CACNA2D3: variants seen among roughly 807,000 people sequenced by gnomAD.
CACNA2D3 encodes calcium voltage-gated channel auxiliary subunit alpha2delta 3.
Under a neutral mutation model 160.6 loss-of-function variants are expected in CACNA2D3, and 60 were observed. The ratio of observed to expected loss-of-function variants is 0.37; its 90% CI spans 0.30 to 0.46. The LOEUF (loss-of-function observed/expected upper bound fraction) is 0.46, where lower values mean the gene tolerates loss of function less well. Ranked by LOEUF, CACNA2D3 falls within the 20% of genes least tolerant of loss-of-function variation. CACNA2D3 has a pLI of 1.00. For missense variants in CACNA2D3, 1,205 were observed against 1,365.0 expected (o/e 0.88, Z 1.85); for synonymous variants, 558 against 492.9 (o/e 1.13, Z -1.75).
intron 9 of CACNA2D3, among the ~76,000 whole-genome samples, chr3:54,617,100 A>G (rs952035803): frequency 3.9e-5 from 6 of 152,144 alleles, no homozygotes; most frequent in Non-Finnish European, 4.4e-5. Flanking sequence ...TCTTCTCACT[A>G]CATGTATGTC....
intron 14 of CACNA2D3, among the ~76,000 whole-genome samples, chr3:54,836,683 G>C (rs1698698050): frequency 6.6e-6 from 1 of 152,156 alleles, no homozygotes; most frequent in Non-Finnish European, 1.5e-5. Flanking sequence ...AAACAGCCTT[G>C]ACTGGCTACC....
At chr3:54,871,719 G>A in intron 18 of CACNA2D3, 97 bp downstream of exon 18, 1 of 860,222 alleles carries the variant, frequency 1.2e-6, no homozygotes, top group Non-Finnish European at 1.9e-6. Flanking sequence ...GAGGCCCACT[G>A]AAGGGACACC....
chr3:54,459,034 G>T (rs13063940), intron 4 of CACNA2D3, among the ~76,000 whole-genome samples: 35 of 151,868 alleles, frequency 2.3e-4, no homozygotes, highest in Non-Finnish European at 7.4e-5. Flanking sequence ...TTGGTTTTTC[G>T]TCCTTGCGAT....
intron 13 of CACNA2D3, among the ~76,000 whole-genome samples, chr3:54,766,973 A>C (rs1249710357): frequency 6.6e-6 from 1 of 151,436 alleles, no homozygotes; most frequent in East Asian, 1.9e-4. Context: ...AAACAGAATA[A>C]ACCAGAAACC....
rs757954461 is a variant in CACNA2D3 at position 54,569,978 on chromosome 3, G to A, written c.762G>A (p.Pro254=). 20 of 1,613,834 alleles carry A rather than the reference G, an allele frequency of 1.2e-5. No homozygotes were observed. The highest frequency in any genetic ancestry group is 2.2e-5 in the East Asian group (1 of 44,892). The change falls in exon 8 of 38, where the codon CCG becomes CCA. Residue 254 remains proline, a synonymous_variant. Transcript: ENST00000474759. ...RKWYIQAATS[P]KDVVILVDVS... ...GGTACATCCAGGCAGCAACTTCTCC[G>A]AAAGACGTGGTCATTTTAGTTGACG... is the stretch of plus-strand genomic sequence containing the variant.
intron 14 of CACNA2D3, among the ~76,000 whole-genome samples, chr3:54,817,206 T>G (rs998014087): frequency 3.9e-5 from 6 of 152,200 alleles, no homozygotes; most frequent in African/African-American, 1.2e-4. Context: ...TGAGGTAATT[T>G]TTAGGGAGAC....
At chr3:54,950,135 T>C (rs1478733691) in intron 27 of CACNA2D3, among the ~76,000 whole-genome samples, 1 of 152,200 alleles carries the variant, frequency 6.6e-6, no homozygotes, top group Non-Finnish European at 1.5e-5. Context: ...ATGGGAGTCA[T>C]AAGTGAAAAG....
chr3:54,822,923 C>T (rs1434895123), intron 14 of CACNA2D3, among the ~76,000 whole-genome samples: 2 of 150,796 alleles, frequency 1.3e-5, no homozygotes, highest in African/African-American at 2.4e-5. Context: ...TGCGCGATCT[C>T]GGCTCACTGC....
intron 2 of CACNA2D3, among the ~76,000 whole-genome samples, chr3:54,165,924 A>G (rs574594544): frequency 3.0e-4 from 46 of 152,308 alleles, no homozygotes; most frequent in African/African-American, 1.1e-3. Flanking sequence ...CCATGTGGTC[A>G]CCAGAAATAT....
chr3:54,350,996 T>TG (rs1394231418), intron 3 of CACNA2D3, among the ~76,000 whole-genome samples: 1 of 120,910 alleles, frequency 8.3e-6, no homozygotes, highest in Non-Finnish European at 1.7e-5. Flanking sequence ...GTTTTTTTTT[T>TG]TTTTTTTTTT....
intron 27 of CACNA2D3, among the ~76,000 whole-genome samples, chr3:54,944,211 T>A (rs185700170): frequency 2.6e-3 from 394 of 152,276 alleles, no homozygotes; most frequent in African/African-American, 9.0e-3. Context: ...CTTCATTCAT[T>A]GTGCTGAGGA....
chr3:54,534,293 A>G (rs1358754173), intron 5 of CACNA2D3, among the ~76,000 whole-genome samples: 4 of 152,196 alleles, frequency 2.6e-5, no homozygotes, highest in African/African-American at 9.7e-5. Context: ...TTTAAAATTG[A>G]CAAATAATAA....
In CACNA2D3 at chr3:54,614,807, C is replaced by T. The variant is rs77463597; in HGVS notation, c.964-12980C>T. Among the ~76,000 whole-genome samples the T allele has an allele frequency of 2.8e-3, 427 of 152,164 alleles. 2 individuals are homozygous for T. Among genetic ancestry groups the T allele is most frequent in the Admixed American group, 6.2e-3 (95 of 15,262 alleles). On this transcript the variant is annotated intron_variant, in intron 9 of 37. Coordinates refer to ENST00000474759, the MANE Select transcript of CACNA2D3 (RefSeq NM_018398.3). ...CCTTGGTAGCAAGTCTGAAGAGAAGCGGCTCCCACTGGCCAAAGATGGGAT... is the reference window on the plus strand; with the variant it reads ...CCTTGGTAGCAAGTCTGAAGAGAAGTGGCTCCCACTGGCCAAAGATGGGAT...
chr3:55,020,744 G>A (rs971981637), intron 35 of CACNA2D3, among the ~76,000 whole-genome samples: 3 of 151,764 alleles, frequency 2.0e-5, no homozygotes, highest in African/African-American at 4.8e-5. Flanking sequence ...CCAACTACTC[G>A]GGAGATTGAG....
intron 35 of CACNA2D3, among the ~76,000 whole-genome samples, chr3:55,068,782 G>GCTTTTT (rs1352124565): frequency 6.6e-6 from 1 of 151,950 alleles, no homozygotes; most frequent in Non-Finnish European, 1.5e-5. Flanking sequence ...TGGGGTTTTT[G>GCTTTTT]CTTTTTCTTT....
chr3:55,033,256 ATTAAC>A (rs944576081), intron 35 of CACNA2D3, among the ~76,000 whole-genome samples: 2 of 152,136 alleles, frequency 1.3e-5, no homozygotes, highest in African/African-American at 4.8e-5. Context: ...AAAAACAACT[ATTAAC>A]TAACAAAATA....
At chr3:54,254,512 G>A (rs1028606920) in intron 2 of CACNA2D3, among the ~76,000 whole-genome samples, 1 of 152,202 alleles carries the variant, frequency 6.6e-6, no homozygotes, top group Admixed American at 6.5e-5. Context: ...GTGCCTGCCT[G>A]TATTGATGGG....
rs1000022572 is a variant in CACNA2D3 at position 54,904,295 on chromosome 3, C to T, written c.2449+4427C>T. The stretch of plus-strand genomic sequence containing the variant: ...CCACTAGTCCAGCAGTCATAGGCAC[C>T]GCATCTACCATATCAGGGTAGAAAT... On this transcript the variant is annotated intron_variant, in intron 27 of 37. Transcript: ENST00000474759. 2.2e-4 allele frequency among the ~76,000 whole-genome samples: 34 copies of T among 152,152 alleles called. 1 individual carries two copies. The highest frequency in any genetic ancestry group is 2.2e-3 in the Admixed American group (33 of 15,278).
At chr3:54,336,100 C>A (rs1206454157) in intron 3 of CACNA2D3, among the ~76,000 whole-genome samples, 1 of 151,844 alleles carries the variant, frequency 6.6e-6, no homozygotes, top group Non-Finnish European at 1.5e-5. Flanking sequence ...GAAACTCTGC[C>A]TCCTCAGAAT....
Sources: allele counts gnomAD v4.1 joint callset (sites outside exome capture counted in the v4.1 genomes callset), GRCh38; gene constraint gnomAD v4.1.1; transcripts MANE v1.5; gene names NCBI Gene and HGNC (gene_info 2026-07-23, HGNC 2026-07-21).